The following NRXN3 variants were observed in gnomAD, a reference collection of about 807,000 sequenced individuals.
NRXN3 encodes the protein neurexin III.
A neutral mutation model predicts 137.6 loss-of-function variants in NRXN3; 32 were observed. The observed-to-expected ratio is 0.23, with a 90% CI of 0.18 to 0.31. The LOEUF (loss-of-function observed/expected upper bound fraction) is 0.31, where lower values mean the gene tolerates loss of function less well. Ranked by LOEUF, NRXN3 falls within the 10% of genes least tolerant of loss-of-function variation. The pLI, the probability that NRXN3 is intolerant of heterozygous loss-of-function variation, is 1.00. For synonymous variants in NRXN3, 798 were observed against 784.5 expected (o/e 1.02, Z -0.29); for missense variants, 1,574 against 2,062.5 (o/e 0.76, Z 4.59).
intron 4 of NRXN3, among the ~76,000 whole-genome samples, chr14:78,516,910 G>T (rs2096216591): frequency 6.6e-6 from 1 of 152,132 alleles, no homozygotes; most frequent in Admixed American, 6.5e-5. Flanking sequence ...TGCTAGACTG[G>T]ATTACATTGA....
chr14:78,734,248 CACA>C (rs2098531118), intron 8 of NRXN3, among the ~76,000 whole-genome samples: 2 of 146,500 alleles, frequency 1.4e-5, no homozygotes, highest in Admixed American at 6.7e-5. Flanking sequence ...CACACACACA[CACA>C]CACCCTTTTC....
At chr14:79,343,750 A>T (rs1181206147) in intron 15 of NRXN3, among the ~76,000 whole-genome samples, 1 of 152,174 alleles carries the variant, frequency 6.6e-6, no homozygotes, top group Non-Finnish European at 1.5e-5. Context: ...ATTTCCTTCA[A>T]ATTCACTGAA....
intron 15 of NRXN3, among the ~76,000 whole-genome samples, chr14:79,078,339 G>A (rs1262230172): frequency 6.6e-6 from 1 of 152,158 alleles, no homozygotes; most frequent in African/African-American, 2.4e-5. Context: ...GCAGATCTGT[G>A]GTGGTAGATA....
intron 15 of NRXN3, among the ~76,000 whole-genome samples, chr14:79,433,416 C>T (rs1358247606): frequency 6.6e-6 from 1 of 152,024 alleles, no homozygotes; most frequent in African/African-American, 2.4e-5. Flanking sequence ...AATTCAATGC[C>T]GAAAGGTTTT....
chr14:78,232,358 G>A (rs1196858387), intron 1 of NRXN3, among the ~76,000 whole-genome samples: 2 of 152,240 alleles, frequency 1.3e-5, no homozygotes, highest in African/African-American at 4.8e-5. Flanking sequence ...AGAACAGAGA[G>A]AGCCCTCCCA....
At chr14:78,442,213 G>A (rs1254163085) in intron 4 of NRXN3, among the ~76,000 whole-genome samples, 1 of 151,188 alleles carries the variant, frequency 6.6e-6, no homozygotes, top group African/African-American at 2.4e-5. Context: ...GTCACGGTAA[G>A]CAGAGATCAT....
At chr14:78,387,665 G>A (rs891424336) in intron 4 of NRXN3, among the ~76,000 whole-genome samples, 2 of 152,114 alleles carry the variant, frequency 1.3e-5, no homozygotes, top group East Asian at 1.9e-4. Flanking sequence ...TCTACAACAG[G>A]CTTCTTTCTT....
chr14:79,366,188 G>A lies in NRXN3; in HGVS notation c.3263-101033G>A, dbSNP rs186201818. Among the ~76,000 whole-genome samples, 13 of 152,062 alleles carry A rather than the reference G, an allele frequency of 8.5e-5. No individual in the cohort carries two copies. In the East Asian group the frequency reaches 1.9e-3, roughly 23 times the overall value. ...AAAATTTAAAATTTTTTAATTATGG[G>A]TACATAATAAGTATATATGTATGGT... On this transcript the variant is annotated intron_variant, in intron 15 of 20. Coordinates refer to ENST00000335750, the MANE Select transcript of NRXN3 (RefSeq NM_001330195.2).
At chr14:78,728,407 T>C (rs1567163569) in intron 8 of NRXN3, among the ~76,000 whole-genome samples, 2 of 152,140 alleles carry the variant, frequency 1.3e-5, no homozygotes. Context: ...TTCCTGATCA[T>C]CTTGAAGAAG....
At chr14:79,677,271 C>A (rs994376150) in intron 17 of NRXN3, among the ~76,000 whole-genome samples, 2 of 151,696 alleles carry the variant, frequency 1.3e-5, no homozygotes, top group African/African-American at 2.4e-5. Context: ...ATTTCAGTAT[C>A]CTTGACAGAA....
At chr14:78,648,295 G>A (rs2097706618) in intron 5 of NRXN3, among the ~76,000 whole-genome samples, 1 of 152,312 alleles carries the variant, frequency 6.6e-6, no homozygotes, top group Non-Finnish European at 1.5e-5. Context: ...TTACCTCTAT[G>A]TGTTAACTTT....
chr14:79,683,531 T>G (rs565430664), intron 17 of NRXN3, among the ~76,000 whole-genome samples: 2 of 152,328 alleles, frequency 1.3e-5, no homozygotes, highest in South Asian at 2.1e-4. Context: ...TTTGAAGCTT[T>G]CTGGTTACAC....
chr14:78,528,731 A>G (rs1157632479), intron 4 of NRXN3, among the ~76,000 whole-genome samples: 2 of 152,160 alleles, frequency 1.3e-5, no homozygotes, highest in African/African-American at 4.8e-5. Flanking sequence ...GAATGAGGTG[A>G]GTGAGGCAGA....
chr14:79,599,607 TAAC>T (rs2097900940), intron 16 of NRXN3, among the ~76,000 whole-genome samples: 2 of 152,236 alleles, frequency 1.3e-5, no homozygotes, highest in South Asian at 4.1e-4. Flanking sequence ...ATAACAATAA[TAAC>T]AACAATAATG....
At chr14:79,181,057 CATAT>C (rs3035618) in intron 15 of NRXN3, among the ~76,000 whole-genome samples, 70,416 of 144,880 alleles carry the variant, frequency 0.49, 17,294 homozygotes, top group South Asian at 0.62. Flanking sequence ...TGTCTGTGTG[CATAT>C]ATATATATAT....
chr14:79,779,602 C>T (rs1344865892), intron 19 of NRXN3, among the ~76,000 whole-genome samples: 1 of 152,140 alleles, frequency 6.6e-6, no homozygotes, highest in East Asian at 1.9e-4. Flanking sequence ...GATCAAAAAA[C>T]TTTTCTCTGA....
At chr14:78,729,978 G>T (rs970298154) in intron 8 of NRXN3, among the ~76,000 whole-genome samples, 2 of 152,214 alleles carry the variant, frequency 1.3e-5, no homozygotes, top group Non-Finnish European at 2.9e-5. Flanking sequence ...CTTAGTACCT[G>T]CTAGACATCT....
chr14:78,862,734 T>C (rs1418596888), intron 10 of NRXN3, among the ~76,000 whole-genome samples: 1 of 152,128 alleles, frequency 6.6e-6, no homozygotes, highest in East Asian at 1.9e-4. Context: ...TGAAAACATG[T>C]ACAAAAAAGT....
rs541186338 is a variant in NRXN3 at position 78,245,503 on chromosome 14, T to G, written c.709+1701T>G. On this transcript the variant is annotated intron_variant, in intron 2 of 20. Coordinates refer to ENST00000335750, the MANE Select transcript of NRXN3 (RefSeq NM_001330195.2). The stretch of plus-strand genomic sequence containing the variant: ...GATTCCCAAGATCTCTTCATTCAGA[T>G]AAGGCCCTGCTATTGGGATGTGTAA... Among the ~76,000 whole-genome samples the G allele has an allele frequency of 2.6e-5, 4 of 152,328 alleles. No homozygotes were observed. The South Asian group carries it at 8.3e-4, about 32-fold the overall frequency.
Sources: gnomAD v4.1 joint callset for allele counts (sites outside exome capture counted in the v4.1 genomes callset) on GRCh38, gnomAD v4.1.1 for gene constraint, MANE v1.5 for transcripts, NCBI Gene and HGNC (gene_info 2026-07-23, HGNC 2026-07-21) for gene names.